Variants in ART3 observed in about 807,000 individuals in gnomAD.
ART3 encodes the protein ADP-ribosyltransferase 3 (inactive), also known as ecto-ADP-ribosyltransferase 3.
A neutral mutation model predicts 48.5 loss-of-function variants in ART3; 49 were observed. The ratio of observed to expected loss-of-function variants is 1.01; its 90% CI spans 0.80 to 1.28. The LOEUF is 1.28. ART3 is among the 50% of genes most tolerant of loss of function. The pLI, the probability that ART3 is intolerant of heterozygous loss-of-function variation, is 0.00. For synonymous variants in ART3, 145 were observed against 157.2 expected (o/e 0.92, Z 0.58); for missense variants, 438 against 454.3 (o/e 0.96, Z 0.33).
chr4:76,068,662 T>TA (rs56814198), intron 1 of ART3, among the ~76,000 whole-genome samples: 387 of 148,038 alleles, frequency 2.6e-3, no homozygotes, highest in African/African-American at 8.0e-3. Context: ...GGATAGAGGA[T>TA]AAAAAAAAAA....
At chr4:76,069,244 TAA>T (rs938260498) in intron 1 of ART3, among the ~76,000 whole-genome samples, 1 of 137,182 alleles carries the variant, frequency 7.3e-6, no homozygotes, top group African/African-American at 3.4e-5. Context: ...TTCATTACTC[TAA>T]AAAGAAGCCT....
At chr4:76,064,025 C>A (rs10017657) in intron 1 of ART3, among the ~76,000 whole-genome samples, 1 of 151,586 alleles carries the variant, frequency 6.6e-6, no homozygotes, top group African/African-American at 2.4e-5. Context: ...TAGCATGAGA[C>A]AAAAAATAAA....
intron 1 of ART3, chr4:76,034,463 T>C: frequency 3.9e-6 from 2 of 513,260 alleles, no homozygotes; most frequent in East Asian, 3.3e-5. Flanking sequence ...GAATGTATAA[T>C]GCAACAAGTA....
At chr4:76,084,320 G>A (rs747325630) in intron 3 of ART3, among the ~76,000 whole-genome samples, 2 of 152,162 alleles carry the variant, frequency 1.3e-5, no homozygotes, top group Non-Finnish European at 2.9e-5. Context: ...TTCTGCAGAA[G>A]TTTCGGAGAA....
chr4:76,100,936 T>C, intron 7 of ART3, 54 bp from the exon 8 acceptor site: 1 of 1,607,798 alleles, frequency 6.2e-7, no homozygotes, highest in Non-Finnish European at 8.5e-7. Context: ...CTATAGTAAC[T>C]GCCAATTCTT....
intron 11 of ART3, among the ~76,000 whole-genome samples, chr4:76,108,566 AAAC>A (rs1265359729): frequency 6.6e-6 from 1 of 151,332 alleles, no homozygotes; most frequent in Admixed American, 6.6e-5. Context: ...TTAAAAAAAA[AAAC>A]AAAAAACTCT....
chr4:76,093,490 C>G (rs1725363234), intron 3 of ART3, among the ~76,000 whole-genome samples: 1 of 152,118 alleles, frequency 6.6e-6, no homozygotes, highest in South Asian at 2.1e-4. Flanking sequence ...TCTCTCTGAT[C>G]ATCTCTTCTA....
At chr4:76,018,499 CTGGGTGA>C (rs1205034409) in intron 1 of ART3, among the ~76,000 whole-genome samples, 4 of 152,072 alleles carry the variant, frequency 2.6e-5, no homozygotes, top group Admixed American at 2.6e-4. Context: ...TGTTCATTAC[CTGGGTGA>C]TGAAATAATC....
At chr4:76,035,138 A>AAG (rs397769081) in intron 1 of ART3, 84 of 1,612,764 alleles carry the variant, frequency 5.2e-5, no homozygotes, top group Non-Finnish European at 6.7e-5. Context: ...AGAACATACA[A>AAG]GAGTCTTAAA....
chr4:76,013,991 T>A (rs1732035574), intron 1 of ART3, among the ~76,000 whole-genome samples: 1 of 152,208 alleles, frequency 6.6e-6, no homozygotes, highest in Non-Finnish European at 1.5e-5. Context: ...ATATTTTGAT[T>A]AGGAAGCTCT....
At chr4:76,048,521 C>T (rs1253121493) in intron 1 of ART3, among the ~76,000 whole-genome samples, 1 of 151,682 alleles carries the variant, frequency 6.6e-6, no homozygotes, top group Non-Finnish European at 1.5e-5. Flanking sequence ...TTTGTTTCTC[C>T]CCCTGCCCAA....
chr4:76,099,071 G>A (rs558563773), intron 5 of ART3, 84 bp downstream of exon 5: 82 of 1,255,338 alleles, frequency 6.5e-5, no homozygotes, highest in Non-Finnish European at 8.0e-5. Flanking sequence ...GAAGGCCGAG[G>A]TGAGTGGATC....
chr4:76,022,250 G>T, intron 1 of ART3: 1 of 826,686 alleles, frequency 1.2e-6, no homozygotes, highest in Non-Finnish European at 2.0e-6. Flanking sequence ...GGAGGGCGTG[G>T]TGGTAACATA....
At chr4:76,049,707 C>A (rs1024306601) in intron 1 of ART3, among the ~76,000 whole-genome samples, 1 of 151,826 alleles carries the variant, frequency 6.6e-6, no homozygotes, top group African/African-American at 2.4e-5. Flanking sequence ...CACTGCTTGG[C>A]GATAGGCGAT....
In ART3 at chr4:76,093,526, AT is replaced by A. The variant is rs760176857; in HGVS notation, c.782-4115del. Among the ~76,000 whole-genome samples, 144 of 152,308 alleles carry A rather than the reference AT, an allele frequency of 9.5e-4. 1 individual carries two copies. The highest frequency in any genetic ancestry group is 4.6e-4 in the Non-Finnish European group (31 of 68,028). On this transcript the variant is annotated intron_variant, in intron 3 of 11. Coordinates refer to ENST00000355810, the MANE Select transcript of ART3 (RefSeq NM_001130016.3). ...CTTCTTGTTTTTTCCACTTTTAAGA[AT>A]TTATGTTATTAGATTGAGCTCACCT...
chr4:76,046,300 T>C (rs1735494757), intron 1 of ART3, among the ~76,000 whole-genome samples: 1 of 151,970 alleles, frequency 6.6e-6, no homozygotes, highest in Admixed American at 6.6e-5. Context: ...CCGTGAACCA[T>C]TCTGCTTCCC....
intron 3 of ART3, among the ~76,000 whole-genome samples, chr4:76,089,440 G>A (rs1252330661): frequency 6.6e-6 from 1 of 152,090 alleles, no homozygotes; most frequent in African/African-American, 2.4e-5. Context: ...ACATCTGGTT[G>A]TTTAAAAATG....
At chr4:76,062,468 C>T (rs1406783823) in intron 1 of ART3, among the ~76,000 whole-genome samples, 1 of 151,268 alleles carries the variant, frequency 6.6e-6, no homozygotes, top group Non-Finnish European at 1.5e-5. Context: ...TATAAATTAT[C>T]GTTATTGCTA....
chr4:76,069,388 T>TTG (rs1329493772), intron 1 of ART3, among the ~76,000 whole-genome samples: 1 of 84,028 alleles, frequency 1.2e-5, no homozygotes, highest in African/African-American at 3.6e-5. Context: ...CTTAATTCCT[T>TTG]TTTTTTTTTT....
Sources: gnomAD v4.1 joint callset for allele counts (sites outside exome capture counted in the v4.1 genomes callset) on GRCh38, gnomAD v4.1.1 for gene constraint, MANE v1.5 for transcripts, NCBI Gene and HGNC (gene_info 2026-07-23, HGNC 2026-07-21) for gene names.